The following CTCFL variants were observed in gnomAD, a reference collection of about 807,000 sequenced individuals.
CTCFL encodes the protein CCCTC-binding factor like, also known as transcriptional repressor CTCFL.
Under a neutral mutation model 67.4 loss-of-function variants are expected in CTCFL, and 36 were observed. The ratio of observed to expected loss-of-function variants is 0.53; its 90% confidence interval spans 0.41 to 0.71. CTCFL has a LOEUF of 0.71. Ranked by LOEUF, CTCFL falls within the 30% of genes least tolerant of loss-of-function variation. CTCFL has a pLI of 0.00. For missense variants in CTCFL, 786 were observed against 835.2 expected (o/e 0.94, Z 0.73); for synonymous variants, 324 against 302.3 (o/e 1.07, Z -0.75).
At chr20:57,502,004 A>G (rs1293315393) in intron 10 of CTCFL, among the ~76,000 whole-genome samples, 1 of 152,226 alleles carries the variant, frequency 6.6e-6, no homozygotes, top group East Asian at 1.9e-4. Flanking sequence ...CTCAGTGGTA[A>G]TTGCCGATGC....
rs1402254389 is a variant in CTCFL at position 57,523,898 on chromosome 20, T to G, written c.308A>C (p.Gln103Pro). The G allele has an allele frequency of 6.2e-7, 1 of 1,613,152 alleles. No individual in the cohort carries two copies. Among genetic ancestry groups the G allele is most frequent in the Non-Finnish European group, 8.5e-7 (1 of 1,180,032 alleles). Reference sequence around the variant, plus strand: ...CACCACCTGCACCCCTTCTTGCTGCTGTATGCTCAGCAAGCTCATATCCTG... The same window carrying G: ...CACCACCTGCACCCCTTCTTGCTGCGGTATGCTCAGCAAGCTCATATCCTG... ...ELQDMSLLSI[Q>P]QQEGVQVVVQ... The change falls in exon 2 of 11, where the codon CAG becomes CCG. Residue 103 changes from glutamine (Q) to proline (P), a missense_variant. Around this residue, in one of 3 missense-constraint regions of CTCFL, gnomAD observed 333 missense variants for 304.6 expected, o/e 1.09. Coordinates refer to ENST00000243914, the MANE Select transcript of CTCFL (RefSeq NM_001386993.1).
Position 57,519,278 on chromosome 20 carries a change from T to C in CTCFL, c.854A>G (p.His285Arg). Residue 285 changes from histidine to arginine, a missense_variant, in exon 4 of 11, where the codon CAC becomes CGC. Coordinates refer to ENST00000243914, the MANE Select transcript of CTCFL (RefSeq NM_001386993.1). ...HMKTHTSEKP[H>R]LCHLCLKTFR... is the part of the protein sequence containing the mutation. ...GGTTTTCAGGCAGAGGTGACACAGG[T>C]GAGGCTTCTCACTGGTGTGAGTTTT... is the stretch of plus-strand genomic sequence containing the variant. 6.2e-7 allele frequency: 1 copy of C among 1,614,084 alleles called. No homozygotes were observed. Among genetic ancestry groups the C allele is most frequent in the African/African-American group, 1.3e-5 (1 of 75,040 alleles).
At chr20:57,523,304 T>G (rs1404963281) in intron 2 of CTCFL, 26 bp from the exon 3 acceptor site, 1 of 1,584,428 alleles carries the variant, frequency 6.3e-7, no homozygotes, top group Non-Finnish European at 8.6e-7. Flanking sequence ...TATTCAAATA[T>G]GATACTATTG....
rs2067748923 is a variant in CTCFL at position 57,497,895 on chromosome 20, G to A, written c.*655C>T. The A allele has an allele frequency of 1.0e-6, 1 of 962,938 alleles. No individual in the cohort carries two copies. Among genetic ancestry groups the A allele is most frequent in the Non-Finnish European group, 1.2e-6 (1 of 809,720 alleles). 59.6% of individuals were successfully genotyped at this position (962,938 alleles called of 1,614,324 possible). A position where few individuals can be genotyped will look rare whatever the true frequency, so the allele number is the denominator to read the frequency against. ...CTTGCTCCTATACCAAAGTAAAATC[G>A]ATTTATTCCTTATTTTCTAGTCTAA... is the stretch of plus-strand genomic sequence containing the variant. On this transcript the variant is annotated 3_prime_UTR_variant, in exon 11 of 11. Coordinates refer to ENST00000243914, the MANE Select transcript of CTCFL (RefSeq NM_001386993.1).
chr20:57,517,308 G>A (rs1229672764), intron 5 of CTCFL, among the ~76,000 whole-genome samples: 2 of 145,146 alleles, frequency 1.4e-5, no homozygotes, highest in East Asian at 4.0e-4. Context: ...TTTTGGAGAC[G>A]GTGTCTCACT....
chr20:57,502,495 T>C (rs1211121028), intron 10 of CTCFL, among the ~76,000 whole-genome samples: 1 of 152,152 alleles, frequency 6.6e-6, no homozygotes, highest in Non-Finnish European at 1.5e-5. Context: ...AGGGCGACCG[T>C]CATCTGTGGG....
In CTCFL at chr20:57,503,488, T is replaced by C; in HGVS notation, c.1788A>G (p.Thr596=). 6.2e-7 allele frequency: 1 copy of C among 1,614,236 alleles called. No individual in the cohort carries two copies. The highest frequency in any genetic ancestry group is 1.1e-5 in the South Asian group (1 of 91,084). The change falls in exon 10 of 11, where the codon ACA becomes ACG. Residue 596 remains threonine, a synonymous_variant. Coordinates refer to ENST00000243914, the MANE Select transcript of CTCFL (RefSeq NM_001386993.1). ...KRKQTILKEA[T]KGQKEAAKGW... ...CCTTCGCAGCTTCCTTCTGACCCTTTGTGGCTTCCTTCAGGATGGTCTGCT... is the reference window on the plus strand; with the variant it reads ...CCTTCGCAGCTTCCTTCTGACCCTTCGTGGCTTCCTTCAGGATGGTCTGCT...
Position 57,519,189 on chromosome 20 carries a change from C to A in CTCFL, c.925+18G>T, listed in dbSNP as rs781198208. 2.6e-5 allele frequency: 42 copies of A among 1,611,946 alleles called. No homozygotes were observed. Among genetic ancestry groups the A allele is most frequent in the Non-Finnish European group, 3.4e-5 (40 of 1,178,330 alleles). ...AACACACATCATTCCAGAGAAACAGCCTTCCCGGCAGTTTTACCTGTGTGG... is the reference window on the plus strand; with the variant it reads ...AACACACATCATTCCAGAGAAACAGACTTCCCGGCAGTTTTACCTGTGTGG... On this transcript the variant is annotated intron_variant, in intron 4 of 10. Transcript: ENST00000243914.
At chr20:57,508,254 G>C (rs1156408862) in intron 9 of CTCFL, among the ~76,000 whole-genome samples, 1 of 152,134 alleles carries the variant, frequency 6.6e-6, no homozygotes, top group Non-Finnish European at 1.5e-5. Flanking sequence ...GAAAAAATGT[G>C]TGAAAACTGC....
rs1181781982 is a variant in CTCFL, at chr20:57,515,725, C to T, written c.1169G>A (p.Arg390Lys). The change falls in exon 6 of 11, where the codon AGA (arginine) becomes AAA (lysine). Residue 390 changes from arginine (R) to lysine (K), a missense_variant. This residue lies in a region of CTCFL where 254 missense variants were observed against 333.9 expected (regional missense o/e 0.76). Transcript: ENST00000243914. ...ACCAGAGCCCTTACCTGAGTGCGTT[C>T]TCATGTGGCGTTTCAGCTTGTAGGT... is the stretch of plus-strand genomic sequence containing the variant. ...RDTYKLKRHM[R>K]THSGEKPYEC... 1.9e-6 allele frequency: 3 copies of T among 1,614,126 alleles called. No individual in the cohort carries two copies. The highest frequency in any genetic ancestry group is 2.5e-6 in the Non-Finnish European group (3 of 1,180,006).
At chr20:57,518,379 C>A (rs2069085766) in intron 5 of CTCFL, 3 of 549,234 alleles carry the variant, frequency 5.5e-6, no homozygotes, top group African/African-American at 2.0e-5. Context: ...TAATCAAGCT[C>A]AAAAATTTCA....
At chr20:57,523,614 G>C in intron 2 of CTCFL, 49 bp downstream of exon 2, 2 of 1,564,540 alleles carry the variant, frequency 1.3e-6, no homozygotes, top group South Asian at 1.2e-5. Context: ...AAGCCGACTT[G>C]AATTTTTTCT....
chr20:57,505,422 A>AT (rs1296562882), intron 9 of CTCFL, among the ~76,000 whole-genome samples: 3 of 150,956 alleles, frequency 2.0e-5, no homozygotes, highest in East Asian at 3.9e-4. Flanking sequence ...CGCCCGGCTA[A>AT]TTTTTTGTAT....
At position 57,508,619 on chromosome 20, in the gene CTCFL, C is replaced by T. The variant is rs565083368; in HGVS notation, c.1661G>A (p.Gly554Asp). ...TVYKCSKCGK[G>D]FSRWINLHRH... Reference sequence around the variant, plus strand: ...AAGTAAGCTTACCCAGCGGGAAAAGCCTTTGCCACACTTGGAGCATTTGTA... The same window carrying T: ...AAGTAAGCTTACCCAGCGGGAAAAGTCTTTGCCACACTTGGAGCATTTGTA... Residue 554 changes from glycine to aspartate, a missense_variant, in exon 9 of 11, where the codon GGC becomes GAC. Transcript: ENST00000243914. 2.0e-4 allele frequency: 320 copies of T among 1,614,090 alleles called. 5 individuals are homozygous for T. The South Asian group carries it at 2.9e-3, about 15-fold the overall frequency.
intron 3 of CTCFL, among the ~76,000 whole-genome samples, chr20:57,521,085 G>A (rs1014495324): frequency 1.3e-5 from 2 of 152,184 alleles, no homozygotes; most frequent in African/African-American, 4.8e-5. Context: ...TATTCTCCCC[G>A]ACAGCCTTGC....
chr20:57,524,730 C>T, intron 1 of CTCFL: 1 of 992,702 alleles, frequency 1.0e-6, no homozygotes. Context: ...CCCTCGTGCA[C>T]GGTTCTAGAC....
chr20:57,509,594 A>G (rs1354253896), intron 8 of CTCFL, among the ~76,000 whole-genome samples: 1 of 152,188 alleles, frequency 6.6e-6, no homozygotes, highest in East Asian at 1.9e-4. Flanking sequence ...ACAGGAGAAA[A>G]TAATTTGGGA....
At position 57,512,608 on chromosome 20, in the gene CTCFL, C is replaced by A. The variant is rs2068634860; in HGVS notation, c.1475G>T (p.Ser492Ile). 6.2e-7 allele frequency: 1 copy of A among 1,614,228 alleles called. No homozygotes were observed. The highest frequency in any genetic ancestry group is 8.5e-7 in the Non-Finnish European group (1 of 1,180,018). The change falls in exon 8 of 11, where the codon AGT (serine) becomes ATT (isoleucine). Residue 492 changes from serine (S) to isoleucine (I), a missense_variant. By Grantham distance (142) the Ser-to-Ile change is moderately radical (BLOSUM62 -2). Coordinates refer to ENST00000243914, the MANE Select transcript of CTCFL (RefSeq NM_001386993.1). Reference sequence around the variant, plus strand: ...GTACAATACCTGCTTGCAGGCATAACTGCAGTGTTTGCACTTGAACCTCTT... The same window carrying A: ...GTACAATACCTGCTTGCAGGCATAAATGCAGTGTTTGCACTTGAACCTCTT... ...NEKRFKCKHC[S>I]YACKQERHMT...
chr20:57,498,765 G>A, intron 10 of CTCFL, 64 bp from the exon 11 acceptor site: 1 of 1,449,930 alleles, frequency 6.9e-7, no homozygotes, highest in African/African-American at 1.4e-5. Context: ...TTTATAAACT[G>A]TGCAAATATA....
Sources: gnomAD v4.1 joint callset for allele counts (sites outside exome capture counted in the v4.1 genomes callset) on GRCh38, gnomAD v4.1.1 for gene constraint, gnomAD v4.1.1 regional missense constraint, MANE v1.5 for transcripts, NCBI Gene and HGNC (gene_info 2026-07-23, HGNC 2026-07-21) for gene names.